The following KYNU variants were observed in gnomAD, a reference collection of about 807,000 sequenced individuals.
The protein encoded by KYNU is L-kynurenine hydrolase.
KYNU carries 54 observed loss-of-function variants against 59.2 expected under a neutral mutation model. The ratio of observed to expected loss-of-function variants is 0.91; its 90% CI spans 0.73 to 1.14. KYNU has a LOEUF of 1.14. Ranked by LOEUF, KYNU falls within the 50% of genes most tolerant of loss-of-function variation. The pLI is 0.00. For synonymous variants in KYNU, 177 were observed against 192.0 expected, an observed-to-expected ratio of 0.92 and a Z score of 0.65; for missense variants, 567 against 554.4, an observed-to-expected ratio of 1.02 and a Z score of -0.23.
chr2:142,934,309 G>A (rs1227246310), intron 4 of KYNU, among the ~76,000 whole-genome samples: 1 of 152,082 alleles, frequency 6.6e-6, no homozygotes, highest in African/African-American at 2.4e-5. Flanking sequence ...TAAACAGAGG[G>A]GTTAACTACG....
intron 10 of KYNU, among the ~76,000 whole-genome samples, chr2:142,991,461 A>T (rs1414139813): frequency 2.0e-5 from 3 of 151,872 alleles, no homozygotes; most frequent in Non-Finnish European, 4.4e-5. Context: ...TAGAATCCCC[A>T]GTTGAAATAT....
At chr2:142,998,693 T>C (rs1573885028) in intron 10 of KYNU, among the ~76,000 whole-genome samples, 1 of 151,470 alleles carries the variant, frequency 6.6e-6, no homozygotes, top group African/African-American at 2.4e-5. Context: ...TTTGAGGGAG[T>C]GGACATTGTA....
intron 4 of KYNU, among the ~76,000 whole-genome samples, chr2:142,951,883 G>C (rs1321077927): frequency 1.3e-5 from 2 of 152,216 alleles, no homozygotes; most frequent in Non-Finnish European, 2.9e-5. Context: ...ATTGGCCCAA[G>C]TGTGAGGAGG....
chr2:143,001,431 CA>C (rs111500382), intron 10 of KYNU, among the ~76,000 whole-genome samples: 9,271 of 152,108 alleles, frequency 0.061, 315 homozygotes, highest in South Asian at 0.092. Flanking sequence ...AATAAGCCTC[CA>C]AAAAGAAGGA....
rs138586636 is a variant in KYNU at position 143,015,745 on chromosome 2, C to G, written c.903-13882C>G. On this transcript the variant is annotated intron_variant, in intron 10 of 13. Transcript: ENST00000264170. Reference sequence around the variant, plus strand: ...TTGTGAGCGTATAAATGAGACTACCCAAAACATTTCCCCTCAAATTAAGAC... The same window carrying G: ...TTGTGAGCGTATAAATGAGACTACCGAAAACATTTCCCCTCAAATTAAGAC... 2.4e-3 allele frequency among the ~76,000 whole-genome samples: 358 copies of G among 151,962 alleles called. 3 individuals carry two copies. Among genetic ancestry groups the G allele is most frequent in the Middle Eastern group, 6.8e-3 (2 of 294 alleles).
Position 142,885,467 on chromosome 2 carries a change from G to A in KYNU, c.100G>A (p.Asp34Asn). Residue 34 changes from aspartate to asparagine, a missense_variant, in exon 2 of 14, where the codon GAT becomes AAT. Physicochemically the swap from Asp to Asn is conservative, Grantham distance 23. Coordinates refer to ENST00000264170, the MANE Select transcript of KYNU (RefSeq NM_003937.3). ...GGATGAGAGGGTGGCTCTCCACCTA[G>A]ATGAGGAAGATAAGCTGAGGCACTT... ...PTDERVALHLDEEDKLRHFRE... is the reference protein window; with the variant it reads ...PTDERVALHLNEEDKLRHFRE... 6.2e-7 allele frequency: 1 copy of A among 1,614,054 alleles called. No homozygotes were observed. Among genetic ancestry groups the A allele is most frequent in the African/African-American group, 1.3e-5 (1 of 75,038 alleles).
At chr2:142,956,030 G>A (rs900126434) in intron 5 of KYNU, among the ~76,000 whole-genome samples, 173 bp from the exon 6 acceptor site, 4 of 151,982 alleles carry the variant, frequency 2.6e-5, no homozygotes, top group Non-Finnish European at 5.9e-5. Context: ...CTTTCTCTTT[G>A]AGATTCACTG....
At chr2:142,995,399 T>C (rs1685511226) in intron 10 of KYNU, among the ~76,000 whole-genome samples, 1 of 152,104 alleles carries the variant, frequency 6.6e-6, no homozygotes. Context: ...AGTGAAGCAC[T>C]AATATTTACA....
chr2:142,972,076 T>A (rs963136271), intron 8 of KYNU, among the ~76,000 whole-genome samples: 3 of 152,228 alleles, frequency 2.0e-5, no homozygotes, highest in Non-Finnish European at 4.4e-5. Flanking sequence ...AGAGAAAGAC[T>A]GTAGAAGAGA....
chr2:142,915,786 G>A (rs762978609), intron 2 of KYNU, among the ~76,000 whole-genome samples: 2 of 152,154 alleles, frequency 1.3e-5, no homozygotes, highest in Non-Finnish European at 2.9e-5. Flanking sequence ...GAAGTCAAGT[G>A]AACTTTTAAG....
At chr2:142,940,978 A>C (rs1683579745) in intron 4 of KYNU, among the ~76,000 whole-genome samples, 1 of 152,218 alleles carries the variant, frequency 6.6e-6, no homozygotes, top group African/African-American at 2.4e-5. Context: ...GAAATGAGGG[A>C]GCTTCCATGC....
intron 10 of KYNU, among the ~76,000 whole-genome samples, chr2:143,012,691 C>T (rs1467257493): frequency 6.6e-6 from 1 of 152,000 alleles, no homozygotes; most frequent in Non-Finnish European, 1.5e-5. Context: ...CATGCAGTTA[C>T]CCATTTTTTT....
chr2:143,042,453 A>C lies in KYNU; in HGVS notation c.*281A>C. 1 of 241,382 alleles carries C rather than the reference A, an allele frequency of 4.1e-6. No individual in the cohort carries two copies. The highest frequency in any genetic ancestry group is 8.1e-6 in the Non-Finnish European group (1 of 123,358). 15.0% of individuals were successfully genotyped at this position (241,382 alleles called of 1,614,324 possible). A position where few individuals can be genotyped will look rare whatever the true frequency, so the allele number is the denominator to read the frequency against. ...AGCTGTCACATTTCATGGTCATTGA[A>C]ATGTTTTATGTTGGTTTAATTTCTG... On this transcript the variant is annotated 3_prime_UTR_variant, in exon 14 of 14. Transcript: ENST00000264170.
In KYNU at chr2:142,977,555, G is replaced by A. The variant is rs115088024; in HGVS notation, c.730-7529G>A. On this transcript the variant is annotated intron_variant, in intron 8 of 13. Coordinates refer to ENST00000264170, the MANE Select transcript of KYNU (RefSeq NM_003937.3). ...TTCACTGAAGCTCCACTTGAAGATTGTGTCTTTTTCCTTTTTATTTGTGTT... is the reference window on the plus strand; with the variant it reads ...TTCACTGAAGCTCCACTTGAAGATTATGTCTTTTTCCTTTTTATTTGTGTT... Among the ~76,000 whole-genome samples, 305 of 151,992 alleles carry A rather than the reference G, an allele frequency of 2.0e-3. 2 individuals carry two copies. The highest frequency in any genetic ancestry group is 6.4e-3 in the African/African-American group (265 of 41,454).
intron 2 of KYNU, 26 bp from the exon 3 acceptor site, chr2:142,918,583 T>G (rs760967524): frequency 6.6e-7 from 1 of 1,508,968 alleles, no homozygotes; most frequent in Admixed American, 2.2e-5. Flanking sequence ...TTTTTTTTTT[T>G]TTTTTTGACA....
intron 4 of KYNU, among the ~76,000 whole-genome samples, chr2:142,941,840 TAGTC>T (rs1161885379): frequency 4.6e-5 from 7 of 152,254 alleles, no homozygotes; most frequent in African/African-American, 1.4e-4. Flanking sequence ...AAATACATAT[TAGTC>T]AGAGAAATGG....
At chr2:142,878,916 A>G (rs564383465) in intron 1 of KYNU, among the ~76,000 whole-genome samples, 1 of 152,230 alleles carries the variant, frequency 6.6e-6, no homozygotes, top group African/African-American at 2.4e-5. Flanking sequence ...TTAACTTTAA[A>G]TAACATTGAC....
At chr2:143,037,208 T>C (rs1686915638) in intron 12 of KYNU, among the ~76,000 whole-genome samples, 1 of 152,214 alleles carries the variant, frequency 6.6e-6, no homozygotes, top group Admixed American at 6.5e-5. Flanking sequence ...TCTCCCTCAA[T>C]GGACACGAAG....
chr2:142,931,439 G>A (rs1683214815), intron 4 of KYNU, among the ~76,000 whole-genome samples: 1 of 152,198 alleles, frequency 6.6e-6, no homozygotes, highest in Non-Finnish European at 1.5e-5. Context: ...ACGCGTCTGT[G>A]CCTGCAAGAC....
Sources: allele counts gnomAD v4.1 joint callset (sites outside exome capture counted in the v4.1 genomes callset), GRCh38; gene constraint gnomAD v4.1.1; transcripts MANE v1.5; gene names NCBI Gene and HGNC (gene_info 2026-07-23, HGNC 2026-07-21).